The following TRIM62 variants were observed in gnomAD, a reference collection of about 807,000 sequenced individuals.
The protein encoded by TRIM62 is tripartite motif containing 62.
TRIM62 carries 39 observed loss-of-function variants against 44.2 expected under a neutral mutation model. That is an observed-to-expected ratio of 0.88 (90% CI 0.68 to 1.15). The LOEUF (loss-of-function observed/expected upper bound fraction) is 1.15. Ranked by LOEUF, TRIM62 falls within the 50% of genes most tolerant of loss-of-function variation. The pLI is 0.00. For synonymous variants in TRIM62, 278 were observed against 292.3 expected, an observed-to-expected ratio of 0.95 and a Z score of 0.50; for missense variants, 544 against 665.5, an observed-to-expected ratio of 0.82 and a Z score of 2.01.
At chr1:33,174,427 T>C (rs1374158138) in intron 1 of TRIM62, among the ~76,000 whole-genome samples, 2 of 152,182 alleles carry the variant, frequency 1.3e-5, no homozygotes, top group African/African-American at 4.8e-5. Flanking sequence ...CAAGCAATCC[T>C]CTTGCCTTGA....
Position 33,151,038 on chromosome 1 carries a change from G to T in TRIM62, c.878-3311C>A, listed in dbSNP as rs1645090055. ...CGGGGCGGGGGGTACCCTCAAGCAG[G>T]TATAAGGGCTCAGCTTCAGACTTGT... On this transcript the variant is annotated intron_variant, in intron 4 of 4. Coordinates refer to ENST00000291416, the MANE Select transcript of TRIM62 (RefSeq NM_018207.3). 2.0e-5 allele frequency among the ~76,000 whole-genome samples: 3 copies of T among 152,112 alleles called. No homozygotes were observed. The South Asian group carries it at 6.2e-4, about 32-fold the overall frequency.
chr1:33,158,862 CAG>C (rs1240065327), intron 3 of TRIM62, among the ~76,000 whole-genome samples: 1 of 150,306 alleles, frequency 6.7e-6, no homozygotes, highest in Non-Finnish European at 1.5e-5. Flanking sequence ...TTTTTTGAGA[CAG>C]AGTTTCGCTC....
chr1:33,164,281 T>A (rs953863237), intron 2 of TRIM62: 2 of 152,286 alleles, frequency 1.3e-5, no homozygotes, highest in Non-Finnish European at 2.9e-5. Context: ...GGGTTTCCAA[T>A]GGTGTCTTCA....
At position 33,161,590 on chromosome 1, in the gene TRIM62, AG is replaced by A. The variant is rs1179182549; in HGVS notation, c.505-1647del. ...CCCACCCAGAACGCCAGGCAGACAA[AG>A]GGGGGCGGACGAGAGTCTGGGGATG... is the stretch of plus-strand genomic sequence containing the variant. On this transcript the variant is annotated intron_variant, in intron 2 of 4. Transcript: ENST00000291416. This position sits in a 1 kb window ranked among gnomAD's most constrained non-coding sequence, Gnocchi z 4.3. Among the ~76,000 whole-genome samples the A allele has an allele frequency of 1.3e-5, 2 of 151,926 alleles. No individual in the cohort carries two copies. The highest frequency in any genetic ancestry group is 3.9e-4 in the East Asian group (2 of 5,180).
At chr1:33,175,754 G>A (rs984192413) in intron 1 of TRIM62, among the ~76,000 whole-genome samples, 2 of 151,998 alleles carry the variant, frequency 1.3e-5, no homozygotes, top group African/African-American at 4.8e-5. Context: ...TCAGGGAGTA[G>A]GGAACGAAAA....
chr1:33,152,052 A>T (rs949020347), intron 4 of TRIM62, among the ~76,000 whole-genome samples: 1 of 152,222 alleles, frequency 6.6e-6, no homozygotes, highest in Non-Finnish European at 1.5e-5. Context: ...GTGCAAAAAC[A>T]TTCTCACACT....
rs973665334 is a variant in TRIM62, at chr1:33,159,810, C to G, written c.639G>C (p.Gln213His). ...DTARTLTDIE[Q>H]KVQRYSQQLR... ...GCTGCTGGCTGTAGCGCTGGACTTT[C>G]TGCTCGATGTCGGTCAGCGTGCGGG... The change falls in exon 3 of 5, where the codon CAG becomes CAC. Residue 213 changes from glutamine (Q) to histidine (H), a missense_variant. Coordinates refer to ENST00000291416, the MANE Select transcript of TRIM62 (RefSeq NM_018207.3). The surrounding 1 kb of genome is among the most constrained non-coding windows in gnomAD (Gnocchi z 4.2). 1 of 1,613,924 alleles carries G rather than the reference C, an allele frequency of 6.2e-7. No individual in the cohort carries two copies. Among genetic ancestry groups the G allele is most frequent in the African/African-American group, 1.3e-5 (1 of 75,066 alleles).
At chr1:33,153,257 C>T (rs1645128275) in intron 4 of TRIM62, among the ~76,000 whole-genome samples, 2 of 152,196 alleles carry the variant, frequency 1.3e-5, no homozygotes, top group South Asian at 2.1e-4. Context: ...ACAGGCCCCA[C>T]AGACAAAGAA....
At chr1:33,155,110 C>T (rs551465397) in intron 4 of TRIM62, among the ~76,000 whole-genome samples, 90 of 143,724 alleles carry the variant, frequency 6.3e-4, no homozygotes, top group African/African-American at 2.1e-3. Context: ...CTCGCTCTGT[C>T]GCCCAGGCTG....
chr1:33,171,792 A>G (rs1557760977), intron 1 of TRIM62, among the ~76,000 whole-genome samples: 1 of 151,900 alleles, frequency 6.6e-6, no homozygotes, highest in Non-Finnish European at 1.5e-5. Context: ...TTTATTTTTT[A>G]TTTTTTTGAG....
Position 33,181,506 on chromosome 1 carries a change from A to G in TRIM62, c.-74T>C. On this transcript the variant is annotated 5_prime_UTR_variant, in exon 1 of 5. Transcript: ENST00000291416. This position sits in a 1 kb window ranked among gnomAD's most constrained non-coding sequence, Gnocchi z 6.5. ...GAGAGAGCGCGGCGCTGTCGGAGGCAGCACCGAGGGCTGGGCGCGGGGACG... is the reference window on the plus strand; with the variant it reads ...GAGAGAGCGCGGCGCTGTCGGAGGCGGCACCGAGGGCTGGGCGCGGGGACG... 6.8e-7 allele frequency: 1 copy of G among 1,480,606 alleles called. No individual in the cohort carries two copies. The highest frequency in any genetic ancestry group is 2.5e-5 in the East Asian group (1 of 40,110). The allele number at this position is 1,480,606 out of a possible 1,614,324, so 91.7% of individuals were successfully genotyped here.
chr1:33,148,110 A>G (rs1423923376), intron 4 of TRIM62, among the ~76,000 whole-genome samples: 2 of 151,984 alleles, frequency 1.3e-5, no homozygotes, highest in African/African-American at 4.8e-5. Flanking sequence ...CCCTAGGGGG[A>G]ATGGGGAAAT....
At chr1:33,168,374 T>C (rs976939328) in intron 1 of TRIM62, among the ~76,000 whole-genome samples, 1 of 133,486 alleles carries the variant, frequency 7.5e-6, no homozygotes, top group Non-Finnish European at 1.6e-5. Context: ...GGAAGCTGGC[T>C]GTCTGAGAAA....
chr1:33,178,081 G>C (rs796507422), intron 1 of TRIM62, among the ~76,000 whole-genome samples: 24 of 152,294 alleles, frequency 1.6e-4, no homozygotes, highest in African/African-American at 4.8e-4. Context: ...GCTAGGTAGG[G>C]TGTTGGGAGA....
chr1:33,181,502 AG>A lies in TRIM62; in HGVS notation c.-71del. On this transcript the variant is annotated 5_prime_UTR_variant, in exon 1 of 5. Transcript: ENST00000291416. The surrounding 1 kb of genome is among the most constrained non-coding windows in gnomAD (Gnocchi z 6.5). ...GGCTGAGAGAGCGCGGCGCTGTCGG[AG>A]GCAGCACCGAGGGCTGGGCGCGGGG... The A allele has an allele frequency of 6.7e-7, 1 of 1,488,860 alleles. No individual in the cohort carries two copies. The highest frequency in any genetic ancestry group is 1.4e-5 in the African/African-American group (1 of 70,234). 92.2% of individuals were successfully genotyped at this position (1,488,860 alleles called of 1,614,324 possible). A position where few individuals can be genotyped will look rare whatever the true frequency, so the allele number is the denominator to read the frequency against.
At chr1:33,150,282 G>T (rs1351308688) in intron 4 of TRIM62, among the ~76,000 whole-genome samples, 6 of 151,976 alleles carry the variant, frequency 3.9e-5, no homozygotes, top group Admixed American at 3.9e-4. Flanking sequence ...GTTATGCTTG[G>T]CTGGAGCATT....
chr1:33,165,614 C>T lies in TRIM62; in HGVS notation c.409-48G>A. 6.6e-7 allele frequency: 1 copy of T among 1,523,316 alleles called. No homozygotes were observed. Among genetic ancestry groups the T allele is most frequent in the Non-Finnish European group, 8.9e-7 (1 of 1,123,646 alleles). 94.4% of individuals were successfully genotyped at this position (1,523,316 alleles called of 1,614,324 possible). On this transcript the variant is annotated intron_variant, in intron 1 of 4. Coordinates refer to ENST00000291416, the MANE Select transcript of TRIM62 (RefSeq NM_018207.3). This position sits in a 1 kb window ranked among gnomAD's most constrained non-coding sequence, Gnocchi z 4.0. ...ATGGGGGCAGGGGCCATGCCTGGCCCAGGCATTCAGCCCTGACCACTGCCA... is the reference window on the plus strand; with the variant it reads ...ATGGGGGCAGGGGCCATGCCTGGCCTAGGCATTCAGCCCTGACCACTGCCA...
At chr1:33,180,215 C>A (rs1645450054) in intron 1 of TRIM62, among the ~76,000 whole-genome samples, 1 of 152,122 alleles carries the variant, frequency 6.6e-6, no homozygotes, top group Non-Finnish European at 1.5e-5. Context: ...CCAAAGAGGT[C>A]ATCAAAAACC....
rs896311778 is a variant in TRIM62, at chr1:33,161,887, C to T, written c.505-1943G>A. Among the ~76,000 whole-genome samples the T allele has an allele frequency of 3.3e-5, 5 of 152,154 alleles. No individual in the cohort carries two copies. Among genetic ancestry groups the T allele is most frequent in the Admixed American group, 6.5e-5 (1 of 15,278 alleles). ...CTGCCTCTCTGCCTCCCATGTTCCT[C>T]GGGGCTCATCCAGGTCAGCGCCTTC... On this transcript the variant is annotated intron_variant, in intron 2 of 4. Coordinates refer to ENST00000291416, the MANE Select transcript of TRIM62 (RefSeq NM_018207.3). This position sits in a 1 kb window ranked among gnomAD's most constrained non-coding sequence, Gnocchi z 4.3.
Sources: allele counts gnomAD v4.1 joint callset (sites outside exome capture counted in the v4.1 genomes callset), GRCh38; gene constraint gnomAD v4.1.1; non-coding constraint Gnocchi (gnomAD v3.1); transcripts MANE v1.5; gene names NCBI Gene and HGNC (gene_info 2026-07-23, HGNC 2026-07-21).